The following PTPRD variants were observed in gnomAD, a reference collection of about 807,000 sequenced individuals.
PTPRD encodes protein tyrosine phosphatase receptor type D, also known as receptor-type tyrosine-protein phosphatase delta.
In PTPRD, 34 loss-of-function variants were observed where a neutral mutation model predicts 214.5. The ratio of observed to expected loss-of-function variants is 0.16; its 90% CI spans 0.12 to 0.21. PTPRD has a LOEUF of 0.21. PTPRD is among the 10% of genes least tolerant of loss of function. PTPRD has a pLI of 1.00. For synonymous variants in PTPRD, 1,128 were observed against 845.7 expected (o/e 1.33, Z -5.79); for missense variants, 2,545 against 2,398.7 (o/e 1.06, Z -1.27).
chr9:8,546,876 T>C (rs772074295), intron 14 of PTPRD, among the ~76,000 whole-genome samples: 13 of 152,320 alleles, frequency 8.5e-5, no homozygotes, highest in Admixed American at 5.2e-4. Flanking sequence ...AGTTTCCCTC[T>C]TTCTCACGTC....
At chr9:9,842,555 G>A (rs1027831069) in intron 5 of PTPRD, among the ~76,000 whole-genome samples, 14 of 151,808 alleles carry the variant, frequency 9.2e-5, no homozygotes, top group Admixed American at 7.9e-4. Context: ...GAGACTAGAT[G>A]TCAGTATTAA....
chr9:8,746,506 T>C (rs1335762630), intron 11 of PTPRD, among the ~76,000 whole-genome samples: 1 of 152,206 alleles, frequency 6.6e-6, no homozygotes, highest in Non-Finnish European at 1.5e-5. Flanking sequence ...ATTTTTATTG[T>C]ACTTCTATAA....
chr9:9,571,873 A>C (rs1158062116), intron 8 of PTPRD, among the ~76,000 whole-genome samples: 1 of 151,246 alleles, frequency 6.6e-6, no homozygotes, highest in South Asian at 2.1e-4. Flanking sequence ...TTCTAATGCA[A>C]ATCTATTTAT....
intron 5 of PTPRD, among the ~76,000 whole-genome samples, chr9:9,890,373 T>C (rs1307682822): frequency 6.6e-6 from 1 of 151,866 alleles, no homozygotes; most frequent in Admixed American, 6.6e-5. Context: ...TTTTTTTGAA[T>C]TTTTTATAGA....
intron 2 of PTPRD, among the ~76,000 whole-genome samples, chr9:10,559,207 T>G (rs1034186646): frequency 1.3e-5 from 2 of 152,160 alleles, no homozygotes; most frequent in African/African-American, 4.8e-5. Context: ...AAAACCTATC[T>G]TAAGGACATT....
chr9:9,793,722 G>A (rs868809562), intron 5 of PTPRD, among the ~76,000 whole-genome samples: 58 of 151,900 alleles, frequency 3.8e-4, no homozygotes, highest in African/African-American at 1.3e-3. Context: ...AAAATGTAAT[G>A]GTAAAAAGTA....
chr9:9,376,157 T>G (rs1409734021), intron 9 of PTPRD, among the ~76,000 whole-genome samples: 2 of 152,148 alleles, frequency 1.3e-5, no homozygotes, highest in Admixed American at 6.6e-5. Context: ...TAAAAACCAT[T>G]GAATAATTTG....
At chr9:8,612,926 T>C (rs772543115) in intron 14 of PTPRD, among the ~76,000 whole-genome samples, 5 of 152,200 alleles carry the variant, frequency 3.3e-5, no homozygotes, top group Non-Finnish European at 5.9e-5. Flanking sequence ...GGGTATGGCA[T>C]TGTTATGAAC....
At chr9:8,451,569 C>A (rs1004969294) in intron 33 of PTPRD, among the ~76,000 whole-genome samples, 8 of 152,198 alleles carry the variant, frequency 5.3e-5, no homozygotes, top group African/African-American at 1.9e-4. Flanking sequence ...TGCTATGGGT[C>A]TTCGCCTCAC....
intron 9 of PTPRD, among the ~76,000 whole-genome samples, chr9:9,377,503 T>C (rs1171736678): frequency 6.6e-6 from 1 of 152,164 alleles, no homozygotes; most frequent in Non-Finnish European, 1.5e-5. Context: ...CATCCATATA[T>C]ACAACTCTGT....
At chr9:9,195,390 T>A (rs1446720263) in intron 9 of PTPRD, among the ~76,000 whole-genome samples, 1 of 152,080 alleles carries the variant, frequency 6.6e-6, no homozygotes, top group African/African-American at 2.4e-5. Flanking sequence ...TGATAGAAAC[T>A]GTGTTCACTA....
At chr9:8,677,148 G>A (rs1030402499) in intron 12 of PTPRD, among the ~76,000 whole-genome samples, 3 of 152,110 alleles carry the variant, frequency 2.0e-5, no homozygotes, top group African/African-American at 7.2e-5. Context: ...TGATTTTCAG[G>A]TTCCACTTAA....
intron 2 of PTPRD, among the ~76,000 whole-genome samples, chr9:10,520,992 A>G (rs1429453386): frequency 6.6e-6 from 1 of 151,634 alleles, no homozygotes; most frequent in Non-Finnish European, 1.5e-5. Flanking sequence ...CATGTAGCCT[A>G]TGGATCAAGG....
chr9:8,723,887 C>T (rs896065355), intron 12 of PTPRD, among the ~76,000 whole-genome samples: 4 of 152,094 alleles, frequency 2.6e-5, no homozygotes, highest in Non-Finnish European at 4.4e-5. Context: ...TTTAAACTGA[C>T]GATTTAAGTA....
At chr9:9,388,821 G>C (rs566360499) in intron 9 of PTPRD, among the ~76,000 whole-genome samples, 2 of 152,070 alleles carry the variant, frequency 1.3e-5, no homozygotes, top group African/African-American at 4.8e-5. Context: ...CACTCAGAAA[G>C]AATAAATAAT....
intron 19 of PTPRD, among the ~76,000 whole-genome samples, chr9:8,522,207 G>A (rs1160328016): frequency 6.6e-6 from 1 of 152,154 alleles, no homozygotes; most frequent in Non-Finnish European, 1.5e-5. Flanking sequence ...TACTGGATTG[G>A]GTCATGCAAG....
intron 26 of PTPRD, among the ~76,000 whole-genome samples, chr9:8,496,795 G>C (rs926210366): frequency 5.3e-5 from 8 of 152,182 alleles, no homozygotes; most frequent in Admixed American, 1.3e-4. Context: ...CCAACATGCA[G>C]CCCAACACAA....
chr9:9,991,527 A>G (rs1281012536), intron 4 of PTPRD, among the ~76,000 whole-genome samples: 1 of 151,540 alleles, frequency 6.6e-6, no homozygotes, highest in Admixed American at 6.6e-5. Flanking sequence ...ACACCTAGCT[A>G]ATTTTGTATT....
chr9:9,567,203 G>A (rs73407065), intron 8 of PTPRD, among the ~76,000 whole-genome samples: 3,082 of 152,012 alleles, frequency 0.02, 88 homozygotes, highest in African/African-American at 0.062. Context: ...TCAGTCAAAG[G>A]TGTGTGAGTG....
Sources: gnomAD v4.1 joint callset for allele counts (sites outside exome capture counted in the v4.1 genomes callset) on GRCh38, gnomAD v4.1.1 for gene constraint, MANE v1.5 for transcripts, NCBI Gene and HGNC (gene_info 2026-07-23, HGNC 2026-07-21) for gene names.